ATP1A2: variants seen among roughly 807,000 people sequenced by gnomAD.
ATP1A2 encodes sodium/potassium-transporting ATPase subunit alpha-2.
ATP1A2 carries 56 observed loss-of-function variants against 113.1 expected under a neutral mutation model. The observed-to-expected ratio is 0.49, with a 90% CI of 0.40 to 0.62. The LOEUF (loss-of-function observed/expected upper bound fraction) is 0.62, where lower values mean the gene tolerates loss of function less well. ATP1A2 is among the 20% of genes least tolerant of loss of function. The probability of loss-of-function intolerance (pLI) is 0.00; values close to 1 mark genes in which losing one functional copy is unlikely to be tolerated. For missense variants in ATP1A2, 712 were observed against 1,357.8 expected (o/e 0.52, Z 7.47); for synonymous variants, 490 against 526.8 (o/e 0.93, Z 0.96).
Position 160,123,943 on chromosome 1 carries a change from C to T in ATP1A2, c.382C>T (p.Leu128=), listed in dbSNP as rs773207287. ...CCCTGAAACTCTTTCTCCTTACCAG[C>T]TATATCTGGGTGTGGTGCTGGCAGC... The part of the protein sequence containing the change: ...AMEDEPSNDN[L]YLGVVLAAVV... Residue 128 remains leucine, a splice_region_variant and synonymous_variant, in exon 5 of 23, where the codon CTA becomes TTA. Coordinates refer to ENST00000361216, the MANE Select transcript of ATP1A2 (RefSeq NM_000702.4). 4 of 1,613,952 alleles carry T rather than the reference C, an allele frequency of 2.5e-6. No homozygotes were observed. The highest frequency in any genetic ancestry group is 3.4e-6 in the Non-Finnish European group (4 of 1,179,946).
intron 20 of ATP1A2, among the ~76,000 whole-genome samples, chr1:160,139,429 T>C (rs186368861): frequency 2.6e-5 from 4 of 152,312 alleles, no homozygotes; most frequent in South Asian, 4.1e-4. Context: ...ATACGTGCAA[T>C]AGACAACATT....
At chr1:160,125,901 C>T (rs1377315927) in intron 7 of ATP1A2, among the ~76,000 whole-genome samples, 1 of 152,156 alleles carries the variant, frequency 6.6e-6, no homozygotes, top group East Asian at 1.9e-4. Flanking sequence ...ACAACTGAAA[C>T]CTGTGCCCTC....
At chr1:160,131,933 A>T (rs144118092) in intron 13 of ATP1A2, among the ~76,000 whole-genome samples, 1 of 152,144 alleles carries the variant, frequency 6.6e-6, no homozygotes. Flanking sequence ...ATGAAGCATG[A>T]TCTGCTTGAC....
chr1:160,117,370 T>C (rs1218555058), intron 1 of ATP1A2, among the ~76,000 whole-genome samples: 3 of 152,136 alleles, frequency 2.0e-5, no homozygotes, highest in African/African-American at 7.2e-5. Flanking sequence ...CCCCCTACCC[T>C]GCTCCATCTT....
chr1:160,119,376 G>T (rs1182736945), intron 1 of ATP1A2, among the ~76,000 whole-genome samples: 1 of 149,836 alleles, frequency 6.7e-6, no homozygotes, highest in Non-Finnish European at 1.5e-5. Context: ...ATTCCTGAAA[G>T]CCTAGTGCAG....
intron 6 of ATP1A2, 108 bp from the exon 7 acceptor site, chr1:160,125,028 G>A: frequency 1.1e-6 from 1 of 877,440 alleles, no homozygotes. Context: ...GTGTGACTTT[G>A]TTCCTCGTGT....
At position 160,131,068 on chromosome 1, in the gene ATP1A2, C is replaced by T. The variant is rs187177061; in HGVS notation, c.1827+471C>T. ...TACAATTGCTTCTCACTGACCACTCCCTCCTCTGTGCTATGTTTGTTCTTC... is the reference window on the plus strand; with the variant it reads ...TACAATTGCTTCTCACTGACCACTCTCTCCTCTGTGCTATGTTTGTTCTTC... On this transcript the variant is annotated intron_variant, in intron 13 of 22. Transcript: ENST00000361216. Among the ~76,000 whole-genome samples, 6 of 152,260 alleles carry T rather than the reference C, an allele frequency of 3.9e-5. No individual in the cohort carries two copies. In the East Asian group the frequency reaches 9.7e-4, roughly 25 times the overall value.
chr1:160,121,472 C>A (rs993276948), intron 3 of ATP1A2, among the ~76,000 whole-genome samples: 2 of 152,198 alleles, frequency 1.3e-5, no homozygotes, highest in Non-Finnish European at 1.5e-5. Context: ...TCCCTGTATA[C>A]CCTAGAAGCC....
Position 160,139,874 on chromosome 1 carries a change from T to A in ATP1A2, c.2943-19T>A, listed in dbSNP as rs141966087. On this transcript the variant is annotated intron_variant, in intron 21 of 22. Coordinates refer to ENST00000361216, the MANE Select transcript of ATP1A2 (RefSeq NM_000702.4). ...AGCCAACCTCTGATGCTGCTGACAC[T>A]CTCCTCCATTGCTTTCAGAGTCACC... 2.4e-5 allele frequency: 39 copies of A among 1,613,530 alleles called. 1 individual carries two copies. The East Asian group carries it at 8.2e-4, about 34-fold the overall frequency.
At chr1:160,123,685 G>A (rs528041577) in intron 4 of ATP1A2, among the ~76,000 whole-genome samples, 1 of 152,206 alleles carries the variant, frequency 6.6e-6, no homozygotes, top group African/African-American at 2.4e-5. Flanking sequence ...GTGTGCCTGG[G>A]TCTTCATCCC....
intron 1 of ATP1A2, among the ~76,000 whole-genome samples, chr1:160,118,151 T>A (rs1651249668): frequency 6.6e-6 from 1 of 152,242 alleles, no homozygotes; most frequent in Admixed American, 6.5e-5. Flanking sequence ...AGGCACTGCG[T>A]GGAGCTGCTT....
At chr1:160,133,396 T>C (rs546135462) in intron 13 of ATP1A2, among the ~76,000 whole-genome samples, 1 of 152,202 alleles carries the variant, frequency 6.6e-6, no homozygotes, top group Non-Finnish European at 1.5e-5. Context: ...TCAGTATCCA[T>C]AGGACTTGCC....
rs374096291 is a variant in ATP1A2, at chr1:160,122,495, G to A, written c.178-718G>A. ...AGTAGCAGAAAAAATGCAATCCTAG[G>A]ATTCCAATGCAATATGGTGAGTGCA... On this transcript the variant is annotated intron_variant, in intron 3 of 22. Transcript: ENST00000361216. Among the ~76,000 whole-genome samples the A allele has an allele frequency of 9.9e-5, 15 of 151,960 alleles. No homozygotes were observed. The East Asian group carries it at 1.7e-3, about 18-fold the overall frequency.
In ATP1A2 at chr1:160,116,541, A is replaced by ACC. The variant is rs11331051; in HGVS notation, c.12+677_12+678dup. Among the ~76,000 whole-genome samples the ACC allele has an allele frequency of 1.5e-3, 218 of 149,346 alleles. 1 individual carries two copies. Among genetic ancestry groups the ACC allele is most frequent in the Middle Eastern group, 3.4e-3 (1 of 290 alleles). On this transcript the variant is annotated intron_variant, in intron 1 of 22. Coordinates refer to ENST00000361216, the MANE Select transcript of ATP1A2 (RefSeq NM_000702.4). Reference sequence around the variant, plus strand: ...CTTTCCCAGAGGCTGGTGACAGGTGACCCCCCCCCCAGTCCACCCGTCCAT... The same window carrying ACC: ...CTTTCCCAGAGGCTGGTGACAGGTGACCCCCCCCCCCCAGTCCACCCGTCCAT...
chr1:160,139,526 G>C, intron 20 of ATP1A2, 114 bp from the exon 21 acceptor site: 1 of 891,266 alleles, frequency 1.1e-6, no homozygotes, highest in Non-Finnish European at 1.9e-6. Context: ...AAGAAGACAT[G>C]CGACTATGTC....
chr1:160,124,701 T>C (rs1049299031), intron 6 of ATP1A2, among the ~76,000 whole-genome samples: 1 of 152,222 alleles, frequency 6.6e-6, no homozygotes, highest in African/African-American at 2.4e-5. Flanking sequence ...TCAGCTGCTT[T>C]ATATATGTTC....
chr1:160,140,846 C>CTTTTTTTTTTTTTTTT (rs1045304439), intron 22 of ATP1A2: 1 of 86,904 alleles, frequency 1.2e-5, no homozygotes, highest in African/African-American at 5.5e-5. Flanking sequence ...CTTTCACCTT[C>CTTTTTTTTTTTTTTTT]TTTTTTTTTT....
intron 2 of ATP1A2, 37 bp from the exon 3 acceptor site, chr1:160,121,155 A>T (rs762666904): frequency 6.2e-7 from 1 of 1,612,710 alleles, no homozygotes; most frequent in Non-Finnish European, 8.5e-7. Context: ...CATCTTAGAT[A>T]CCTCCTCCCC....
chr1:160,132,818 A>G (rs748053047), intron 13 of ATP1A2, among the ~76,000 whole-genome samples: 3 of 152,160 alleles, frequency 2.0e-5, no homozygotes, highest in Non-Finnish European at 4.4e-5. Flanking sequence ...GTGCAAACTA[A>G]AGGCTTATAG....
Sources: gnomAD v4.1 joint callset for allele counts (sites outside exome capture counted in the v4.1 genomes callset) on GRCh38, gnomAD v4.1.1 for gene constraint, MANE v1.5 for transcripts, NCBI Gene and HGNC (gene_info 2026-07-23, HGNC 2026-07-21) for gene names.